ELP3: variants seen among roughly 807,000 people sequenced by gnomAD.
ELP3 encodes the protein elongator acetyltransferase complex subunit 3.
ELP3 carries 56 observed loss-of-function variants against 74.9 expected under a neutral mutation model. The ratio of observed to expected loss-of-function variants is 0.75; its 90% confidence interval spans 0.60 to 0.93. The LOEUF is 0.93. Among genes scored for constraint, ELP3 ranks in the 40% least tolerant of loss-of-function variants. The pLI is 0.00. For synonymous variants in ELP3, 222 were observed against 239.8 expected (o/e 0.93, Z 0.68); for missense variants, 573 against 686.5 (o/e 0.83, Z 1.85).
chr8:28,135,178 T>G (rs1330310738), intron 9 of ELP3, among the ~76,000 whole-genome samples: 1 of 152,208 alleles, frequency 6.6e-6, no homozygotes, highest in Non-Finnish European at 1.5e-5. Context: ...TCCGCCCGCC[T>G]CTGCCTCCCA....
Position 28,146,507 on chromosome 8 carries a change from C to T in ELP3, c.1100+8616C>T, listed in dbSNP as rs555890325. Among the ~76,000 whole-genome samples the T allele has an allele frequency of 4.1e-4, 63 of 152,240 alleles. 1 individual carries two copies. The South Asian group carries it at 0.012, about 28-fold the overall frequency. On this transcript the variant is annotated intron_variant, in intron 10 of 14. Transcript: ENST00000256398. ...AACAGTGAATGTTCTTGTATGTAAT[C>T]GATCTTCAGGCCAAGAAAGTGGAAC...
intron 7 of ELP3, among the ~76,000 whole-genome samples, chr8:28,128,750 C>G: frequency 6.6e-6 from 1 of 152,152 alleles, no homozygotes; most frequent in East Asian, 1.9e-4. Flanking sequence ...TGGCACAGAG[C>G]TTGGCCCACA....
At chr8:28,184,443 C>T (rs1199425603) in intron 14 of ELP3, among the ~76,000 whole-genome samples, 2 of 152,166 alleles carry the variant, frequency 1.3e-5, no homozygotes, top group Non-Finnish European at 2.9e-5. Context: ...AGGGCACACC[C>T]CCTGTAGAAA....
At chr8:28,171,784 G>C (rs1814539741) in intron 14 of ELP3, among the ~76,000 whole-genome samples, 1 of 152,036 alleles carries the variant, frequency 6.6e-6, no homozygotes, top group South Asian at 2.1e-4. Flanking sequence ...TTTATATAAA[G>C]TTATAGCTCT....
At chr8:28,171,237 A>T (rs1305631077) in intron 14 of ELP3, among the ~76,000 whole-genome samples, 4 of 152,178 alleles carry the variant, frequency 2.6e-5, no homozygotes, top group Non-Finnish European at 4.4e-5. Context: ...TCTATGTTTA[A>T]CTTTTTGAGG....
chr8:28,134,734 G>A (rs1812914934), intron 9 of ELP3, among the ~76,000 whole-genome samples: 2 of 152,136 alleles, frequency 1.3e-5, no homozygotes, highest in African/African-American at 4.8e-5. Flanking sequence ...CCTTGGTCTT[G>A]TATTGTGGAT....
intron 10 of ELP3, 73 bp downstream of exon 10, chr8:28,137,964 A>G (rs1169253156): frequency 7.6e-7 from 1 of 1,322,772 alleles, no homozygotes; most frequent in East Asian, 2.7e-5. Flanking sequence ...AAATAGTCTG[A>G]TTTCATATTG....
intron 6 of ELP3, among the ~76,000 whole-genome samples, chr8:28,111,401 C>G (rs1447548819): frequency 6.6e-6 from 1 of 152,168 alleles, no homozygotes; most frequent in Non-Finnish European, 1.5e-5. Context: ...ATGTAAAGCA[C>G]TGTCCATAGT....
chr8:28,148,754 A>G (rs1419463635), intron 10 of ELP3, among the ~76,000 whole-genome samples: 2 of 152,180 alleles, frequency 1.3e-5, no homozygotes, highest in East Asian at 1.9e-4. Context: ...TGGTTTCAAC[A>G]TATTCTTTTT....
At chr8:28,154,153 T>C (rs1422664325) in intron 10 of ELP3, among the ~76,000 whole-genome samples, 1 of 152,194 alleles carries the variant, frequency 6.6e-6, no homozygotes, top group Non-Finnish European at 1.5e-5. Flanking sequence ...CCATGAGTTA[T>C]AGTGCTGTGG....
intron 14 of ELP3, among the ~76,000 whole-genome samples, chr8:28,184,791 C>T (rs548851511): frequency 4.3e-4 from 65 of 152,244 alleles, no homozygotes; most frequent in African/African-American, 1.5e-3. Context: ...CAAAACTAAA[C>T]ATGTCTCCAG....
chr8:28,167,814 A>G (rs1814367374), intron 14 of ELP3, among the ~76,000 whole-genome samples: 1 of 152,208 alleles, frequency 6.6e-6, no homozygotes, highest in Non-Finnish European at 1.5e-5. Context: ...AATAAAGATC[A>G]TATATGTTTC....
intron 10 of ELP3, among the ~76,000 whole-genome samples, chr8:28,146,625 T>G (rs1813443375): frequency 6.6e-6 from 1 of 152,140 alleles, no homozygotes; most frequent in Non-Finnish European, 1.5e-5. Context: ...TCATCTAGGT[T>G]TTCAACTCCT....
At chr8:28,189,190 TC>T (rs1224545120) in intron 14 of ELP3, among the ~76,000 whole-genome samples, 1 of 152,194 alleles carries the variant, frequency 6.6e-6, no homozygotes, top group Admixed American at 6.5e-5. Context: ...TGAGTGGAGA[TC>T]CCATTTTTTC....
At chr8:28,187,754 G>A (rs765000181) in intron 14 of ELP3, among the ~76,000 whole-genome samples, 3 of 152,258 alleles carry the variant, frequency 2.0e-5, no homozygotes, top group East Asian at 3.9e-4. Flanking sequence ...AGCTTCCTGC[G>A]GAGGGAGCTT....
chr8:28,129,072 T>G (rs1485735608), intron 7 of ELP3, among the ~76,000 whole-genome samples: 1 of 151,224 alleles, frequency 6.6e-6, no homozygotes, highest in Non-Finnish European at 1.5e-5. Context: ...AAATATAGAG[T>G]GGGAAATAAA....
intron 3 of ELP3, among the ~76,000 whole-genome samples, 177 bp downstream of exon 3, chr8:28,100,143 G>A (rs978946297): frequency 1.3e-5 from 2 of 152,080 alleles, no homozygotes; most frequent in Admixed American, 1.3e-4. Context: ...AGAGCAGAGA[G>A]AGAAAAAAAT....
intron 7 of ELP3, among the ~76,000 whole-genome samples, chr8:28,119,486 A>G (rs1812269524): frequency 6.7e-6 from 1 of 149,994 alleles, no homozygotes; most frequent in African/African-American, 2.5e-5. Context: ...ATACTTCATC[A>G]TGCATATCAC....
chr8:28,150,948 C>T (rs1344391122), intron 10 of ELP3, among the ~76,000 whole-genome samples: 2 of 152,112 alleles, frequency 1.3e-5, no homozygotes, highest in Admixed American at 6.5e-5. Flanking sequence ...CATGTGCCTC[C>T]GTTTTTTGTG....
Sources: gnomAD v4.1 joint callset for allele counts (sites outside exome capture counted in the v4.1 genomes callset) on GRCh38, gnomAD v4.1.1 for gene constraint, MANE v1.5 for transcripts, NCBI Gene and HGNC (gene_info 2026-07-23, HGNC 2026-07-21) for gene names.